UBN1: variants seen among roughly 807,000 people sequenced by gnomAD.
UBN1 encodes the protein ubinuclein 1.
Under a neutral mutation model 108.5 loss-of-function variants are expected in UBN1, and 17 were observed. That is an observed-to-expected ratio of 0.16 (90% confidence interval 0.11 to 0.24). UBN1 has a LOEUF of 0.24. UBN1 is among the 10% of genes least tolerant of loss of function. The pLI, the probability that UBN1 is intolerant of heterozygous loss-of-function variation, is 1.00. For missense variants in UBN1, 1,595 were observed against 1,394.4 expected, an observed-to-expected ratio of 1.14 and a Z score of -2.29; for synonymous variants, 726 against 564.2, an observed-to-expected ratio of 1.29 and a Z score of -4.07.
intron 1 of UBN1, among the ~76,000 whole-genome samples, chr16:4,850,910 A>T (rs2086527570): frequency 6.6e-6 from 1 of 152,240 alleles, no homozygotes; most frequent in African/African-American, 2.4e-5. Flanking sequence ...AGTATTATTT[A>T]TAAAGAAGGA....
chr16:4,873,107 T>C, intron 14 of UBN1, 34 bp downstream of exon 14: 4 of 1,613,868 alleles, frequency 2.5e-6, no homozygotes, highest in Non-Finnish European at 3.4e-6. Flanking sequence ...ATGTCAGCTA[T>C]GCCCATCTCC....
At chr16:4,859,198 T>A in intron 5 of UBN1, 39 bp downstream of exon 5, 1 of 1,602,138 alleles carries the variant, frequency 6.2e-7, no homozygotes, top group Non-Finnish European at 8.5e-7. Context: ...GAAATGCTTT[T>A]TGACGTGACC....
rs2087958544 is a variant in UBN1, at chr16:4,877,813, AG to A, written c.3355+342del. On this transcript the variant is annotated intron_variant, in intron 17 of 17. Coordinates refer to ENST00000262376, the MANE Select transcript of UBN1 (RefSeq NM_001079514.3). The surrounding 1 kb of genome is among the most constrained non-coding windows in gnomAD (Gnocchi z 4.3). ...CTCTTCAGTTTAAAAAAAAAAAAAAAGGGAAGGTAATGGTGCATCTTCTCCA... is the reference window on the plus strand; with the variant it reads ...CTCTTCAGTTTAAAAAAAAAAAAAAAGGAAGGTAATGGTGCATCTTCTCCA... 3 of 1,022,414 alleles carry A rather than the reference AG, an allele frequency of 2.9e-6. No individual in the cohort carries two copies. Among genetic ancestry groups the A allele is most frequent in the East Asian group, 7.8e-5 (1 of 12,798 alleles). 63.3% of individuals were successfully genotyped at this position (1,022,414 alleles called of 1,614,324 possible). A position where few individuals can be genotyped will look rare whatever the true frequency, so the allele number is the denominator to read the frequency against.
In UBN1 at chr16:4,847,922, C is replaced by G. The variant is rs1406799365; in HGVS notation, c.-328C>G. 6.6e-6 allele frequency: 1 copy of G among 152,506 alleles called. No individual in the cohort carries two copies. Among genetic ancestry groups the G allele is most frequent in the Non-Finnish European group, 1.5e-5 (1 of 68,254 alleles). The allele number at this position is 152,506 out of a possible 1,614,324, so 9.4% of individuals were successfully genotyped here. On this transcript the variant is annotated 5_prime_UTR_variant, in exon 1 of 18. Transcript: ENST00000262376. The stretch of plus-strand genomic sequence containing the variant: ...CGTCTGAGCGCGGGGTCCCGCGCCG[C>G]AAGTTCTCCTGGGGCGACCGGAGGC...
At chr16:4,850,528 C>T (rs756156991) in intron 1 of UBN1, among the ~76,000 whole-genome samples, 15 of 152,144 alleles carry the variant, frequency 9.9e-5, no homozygotes, top group Non-Finnish European at 1.5e-4. Flanking sequence ...CACAACCCAG[C>T]GCATCACAAA....
rs748890710 is a variant in UBN1 at position 4,860,919 on chromosome 16, C to T, written c.927C>T (p.Asp309=). 5 of 1,614,138 alleles carry T rather than the reference C, an allele frequency of 3.1e-6. No homozygotes were observed. In the Admixed American group the frequency reaches 6.7e-5, roughly 22 times the overall value. ...TGCTCCAGGCGGCCACTGCCATGGACTCGCTGACGGATTTGGACTTGGAGC... is the reference window on the plus strand; with the variant it reads ...TGCTCCAGGCGGCCACTGCCATGGATTCGCTGACGGATTTGGACTTGGAGC... The part of the protein sequence containing the change: ...NDLLQAATAM[D]SLTDLDLEHL... Residue 309 remains aspartate (D), a synonymous_variant, in exon 7 of 18, where the codon GAC becomes GAT. Transcript: ENST00000262376.
In UBN1 at chr16:4,859,986, C is replaced by T. The variant is rs758196390; in HGVS notation, c.671+18C>T. On this transcript the variant is annotated intron_variant, in intron 6 of 17. Coordinates refer to ENST00000262376, the MANE Select transcript of UBN1 (RefSeq NM_001079514.3). The stretch of plus-strand genomic sequence containing the variant: ...AAAGCCGGGTGAGAGGCAGCAGCTT[C>T]TTTGCTAGGATAAAGCCTGAACTGT... The T allele has an allele frequency of 6.2e-7, 1 of 1,613,696 alleles. No individual in the cohort carries two copies. Among genetic ancestry groups the T allele is most frequent in the Non-Finnish European group, 8.5e-7 (1 of 1,179,838 alleles).
At position 4,882,361 on chromosome 16, in the gene UBN1, C is replaced by T. The variant is rs2088100984; in HGVS notation, c.*2229C>T. The stretch of plus-strand genomic sequence containing the variant: ...ATAAATTGTTTCAAGGTTTCCAAAA[C>T]ATTTTTTCTCACTCTTTTCTTTCTA... On this transcript the variant is annotated 3_prime_UTR_variant, in exon 18 of 18. Coordinates refer to ENST00000262376, the MANE Select transcript of UBN1 (RefSeq NM_001079514.3). The T allele has an allele frequency of 6.7e-6, 1 of 149,324 alleles. No homozygotes were observed. Among genetic ancestry groups the T allele is most frequent in the African/African-American group, 2.5e-5 (1 of 39,784 alleles). The allele number at this position is 149,324 out of a possible 1,614,324, so 9.2% of individuals were successfully genotyped here.
chr16:4,881,864 G>A lies in UBN1; in HGVS notation c.*1732G>A, dbSNP rs2088084400. On this transcript the variant is annotated 3_prime_UTR_variant, in exon 18 of 18. Coordinates refer to ENST00000262376, the MANE Select transcript of UBN1 (RefSeq NM_001079514.3). ...TCAAAGCCAAGCAGAGGCCGGCAGT[G>A]GAGGCTGAGCAGGGACTCTCCAGGC... The A allele has an allele frequency of 6.6e-6, 1 of 152,300 alleles. No homozygotes were observed. Among genetic ancestry groups the A allele is most frequent in the African/African-American group, 2.4e-5 (1 of 41,324 alleles). The allele number at this position is 152,300 out of a possible 1,614,324, so 9.4% of individuals were successfully genotyped here. A position where few individuals can be genotyped will look rare whatever the true frequency, so the allele number is the denominator to read the frequency against.
chr16:4,851,036 C>T (rs1811431406), intron 1 of UBN1, among the ~76,000 whole-genome samples: 1 of 152,152 alleles, frequency 6.6e-6, no homozygotes, highest in African/African-American at 2.4e-5. Context: ...ACTTCAGAAA[C>T]AGGCCTTAGA....
intron 2 of UBN1, among the ~76,000 whole-genome samples, chr16:4,856,401 T>C (rs2086812066): frequency 6.6e-6 from 1 of 152,234 alleles, no homozygotes; most frequent in Non-Finnish European, 1.5e-5. Context: ...GCAGTTCTTT[T>C]AGTGTATAGT....
intron 1 of UBN1, among the ~76,000 whole-genome samples, chr16:4,849,224 G>T (rs921486039): frequency 1.3e-5 from 2 of 152,084 alleles, no homozygotes; most frequent in Non-Finnish European, 2.9e-5. Context: ...AGAATATATT[G>T]CCTAAAACCT....
rs1415088257 is a variant in UBN1, at chr16:4,853,018, A to G, written c.101A>G (p.Gln34Arg). The stretch of plus-strand genomic sequence containing the variant: ...AAGGAGGAGGCTGGGGCAGGAGAAC[A>G]GCATCAGGACTGTGAGCCGGCTGCA... The part of the protein sequence containing the change: ...SRKEEAGAGE[Q>R]HQDCEPAAAA... Residue 34 changes from glutamine to arginine, a missense_variant, in exon 2 of 18, where the codon CAG becomes CGG. Transcript: ENST00000262376. The G allele has an allele frequency of 1.2e-6, 2 of 1,614,260 alleles. No individual in the cohort carries two copies. Among genetic ancestry groups the G allele is most frequent in the Admixed American group, 3.3e-5 (2 of 60,030 alleles).
intron 1 of UBN1, among the ~76,000 whole-genome samples, chr16:4,849,386 C>G (rs987043056): frequency 6.6e-6 from 1 of 152,034 alleles, no homozygotes; most frequent in Non-Finnish European, 1.5e-5. Context: ...AATAAGAATT[C>G]AGGAAGGGTA....
At chr16:4,853,658 A>G (rs1367127841) in intron 2 of UBN1, among the ~76,000 whole-genome samples, 1 of 151,436 alleles carries the variant, frequency 6.6e-6, no homozygotes, top group Non-Finnish European at 1.5e-5. Context: ...CCCGAGTTCA[A>G]GTGATTCTCC....
chr16:4,855,705 T>TG (rs147292462), intron 2 of UBN1, among the ~76,000 whole-genome samples: 2,430 of 151,526 alleles, frequency 0.016, 80 homozygotes, highest in African/African-American at 0.057. Context: ...GATCACTTGA[T>TG]GTCAGGAGTT....
rs552112902 is a variant in UBN1 at position 4,872,852 on chromosome 16, T to C, written c.1707-32T>C. 12 of 1,614,020 alleles carry C rather than the reference T, an allele frequency of 7.4e-6. No individual in the cohort carries two copies. The Admixed American group carries it at 1.2e-4, about 16-fold the overall frequency. On this transcript the variant is annotated intron_variant, in intron 12 of 17. Transcript: ENST00000262376. Reference sequence around the variant, plus strand: ...AGCAGAGTCCCAGCTTTCTGGGGCATGTACAGATGCCTGGTGTTCTGTGTC... The same window carrying C: ...AGCAGAGTCCCAGCTTTCTGGGGCACGTACAGATGCCTGGTGTTCTGTGTC...
chr16:4,851,307 A>G (rs550655091), intron 1 of UBN1, among the ~76,000 whole-genome samples: 4 of 152,338 alleles, frequency 2.6e-5, no homozygotes, highest in South Asian at 2.1e-4. Context: ...CCTACAAAAA[A>G]TACAAAAATT....
At position 4,877,797 on chromosome 16, in the gene UBN1, T is replaced by TAAAAA. The variant is rs145632052; in HGVS notation, c.3355+323_3355+324insAAAAA. 4 of 1,011,260 alleles carry TAAAAA rather than the reference T, an allele frequency of 4.0e-6. No individual in the cohort carries two copies. The highest frequency in any genetic ancestry group is 7.6e-5 in the East Asian group (1 of 13,168). The allele number at this position is 1,011,260 out of a possible 1,614,324, so 62.6% of individuals were successfully genotyped here. A position where few individuals can be genotyped will look rare whatever the true frequency, so the allele number is the denominator to read the frequency against. ...CTCGGCTTGTTTTTTTCTCTTCAGT[T>TAAAAA]TAAAAAAAAAAAAAAAGGGAAGGTA... is the stretch of plus-strand genomic sequence containing the variant. On this transcript the variant is annotated intron_variant, in intron 17 of 17. Transcript: ENST00000262376. The surrounding 1 kb of genome is among the most constrained non-coding windows in gnomAD (Gnocchi z 4.3).
Sources: gnomAD v4.1 joint callset for allele counts (sites outside exome capture counted in the v4.1 genomes callset) on GRCh38, gnomAD v4.1.1 for gene constraint, Gnocchi (gnomAD v3.1) non-coding constraint, MANE v1.5 for transcripts, NCBI Gene and HGNC (gene_info 2026-07-23, HGNC 2026-07-21) for gene names.